CNOT8: variants seen among roughly 807,000 people sequenced by gnomAD.
CNOT8 encodes the protein CCR4-NOT transcription complex subunit 8.
Under a neutral mutation model 34.6 loss-of-function variants are expected in CNOT8, and 18 were observed. That is an observed-to-expected ratio of 0.52 (90% confidence interval 0.36 to 0.77). The LOEUF (loss-of-function observed/expected upper bound fraction) is 0.77, where lower values mean the gene tolerates loss of function less well. CNOT8 is among the 30% of genes least tolerant of loss of function. CNOT8 has a pLI of 0.00. For missense variants in CNOT8, 189 were observed against 347.9 expected (o/e 0.54, Z 3.63); for synonymous variants, 101 against 118.8 (o/e 0.85, Z 0.98).
chr5:154,873,311 C>T (rs543563941), intron 6 of CNOT8, among the ~76,000 whole-genome samples: 11 of 152,318 alleles, frequency 7.2e-5, no homozygotes, highest in South Asian at 2.1e-4. Flanking sequence ...AGCATTCTGA[C>T]GTGAAAGCCA....
intron 3 of CNOT8, among the ~76,000 whole-genome samples, chr5:154,867,154 T>C (rs1220691934): frequency 1.3e-5 from 2 of 150,716 alleles, no homozygotes; most frequent in East Asian, 4.1e-4. Context: ...TTGTATTACA[T>C]GGTATTATAA....
intron 5 of CNOT8, 101 bp downstream of exon 5, chr5:154,871,975 G>T (rs1439470516): frequency 4.2e-6 from 4 of 952,246 alleles, no homozygotes. Context: ...TTGAGTACTA[G>T]ATGCTAGTGT....
chr5:154,872,883 C>G (rs1411107853), intron 6 of CNOT8, among the ~76,000 whole-genome samples: 1 of 152,190 alleles, frequency 6.6e-6, no homozygotes, highest in Non-Finnish European at 1.5e-5. Context: ...TTTCTTCTGC[C>G]TCAGCCTCCT....
chr5:154,872,216 G>T lies in CNOT8; in HGVS notation c.619-325G>T, dbSNP rs373875005. 2.5e-4 allele frequency among the ~76,000 whole-genome samples: 38 copies of T among 152,292 alleles called. No homozygotes were observed. The East Asian group carries it at 5.6e-3, about 22-fold the overall frequency. ...TAACTCTAGAAAGTTTTAGAACTTG[G>T]TACCGTAATAAATTGTTGACATAGA... On this transcript the variant is annotated intron_variant, in intron 5 of 6. Transcript: ENST00000285896.
At chr5:154,867,122 C>T (rs898822263) in intron 3 of CNOT8, among the ~76,000 whole-genome samples, 5 of 152,128 alleles carry the variant, frequency 3.3e-5, no homozygotes, top group Non-Finnish European at 4.4e-5. Context: ...GAACAGGAGT[C>T]GTTTAGCTTA....
At chr5:154,874,331 C>T (rs1457667596) in intron 6 of CNOT8, among the ~76,000 whole-genome samples, 1 of 151,938 alleles carries the variant, frequency 6.6e-6, no homozygotes, top group Non-Finnish European at 1.5e-5. Context: ...AATCCCAGCA[C>T]TTTGGGAGGC....
intron 4 of CNOT8, 71 bp downstream of exon 4, chr5:154,870,893 C>T: frequency 1.4e-6 from 2 of 1,382,190 alleles, no homozygotes; most frequent in Middle Eastern, 3.7e-4. Context: ...AATTCTTAGT[C>T]ATTTTTGCAG....
Position 154,876,312 on chromosome 5 carries a change from G to T in CNOT8, c.*873G>T, listed in dbSNP as rs1762920310. Reference sequence around the variant, plus strand: ...TAATGTGATTTCAGATGGTCATCTGGATTCTCCCACTTCTCTACTCCATTA... The same window carrying T: ...TAATGTGATTTCAGATGGTCATCTGTATTCTCCCACTTCTCTACTCCATTA... On this transcript the variant is annotated 3_prime_UTR_variant, in exon 7 of 7. Coordinates refer to ENST00000285896, the MANE Select transcript of CNOT8 (RefSeq NM_001301073.2). The T allele has an allele frequency of 6.6e-6, 1 of 152,172 alleles. No individual in the cohort carries two copies. The highest frequency in any genetic ancestry group is 1.5e-5 in the Non-Finnish European group (1 of 68,032). The allele number at this position is 152,172 out of a possible 1,614,324, so 9.4% of individuals were successfully genotyped here. A position where few individuals can be genotyped will look rare whatever the true frequency, so the allele number is the denominator to read the frequency against.
Position 154,858,848 on chromosome 5 carries a change from G to T in CNOT8, c.-73+80G>T, listed in dbSNP as rs369278788. On this transcript the variant is annotated intron_variant, in intron 1 of 6. Transcript: ENST00000285896. The stretch of plus-strand genomic sequence containing the variant: ...GACCATTGGGGGTCTGTAGGGGGAA[G>T]GGGAGTGGGGGCGTGTGTAAGGGGC... The T allele has an allele frequency of 1.6e-4, 25 of 152,202 alleles. 1 individual carries two copies. Among genetic ancestry groups the T allele is most frequent in the African/African-American group, 6.0e-4 (25 of 41,510 alleles). The allele number at this position is 152,202 out of a possible 1,614,324, so 9.4% of individuals were successfully genotyped here. A position where few individuals can be genotyped will look rare whatever the true frequency, so the allele number is the denominator to read the frequency against.
chr5:154,866,983 T>C (rs1189647833), intron 3 of CNOT8, among the ~76,000 whole-genome samples: 1 of 151,806 alleles, frequency 6.6e-6, no homozygotes, highest in African/African-American at 2.4e-5. Context: ...AAAAAAAAAA[T>C]GTTTATTTAA....
At chr5:154,875,258 C>T (rs17116534) in intron 6 of CNOT8, 32 bp from the exon 7 acceptor site, 170,074 of 1,609,504 alleles carry the variant, frequency 0.11, 11,522 homozygotes, top group African/African-American at 0.31. Flanking sequence ...TCTAGCATAA[C>T]TCTCACCATG....
rs1200709233 is a variant in CNOT8 at position 154,863,275 on chromosome 5, C to T, written c.-4C>T. Reference sequence around the variant, plus strand: ...CTGAAGACGACTTCTCAGGTTTCTTCAGGATGCCTGCAGCACTTGTGGAGA... The same window carrying T: ...CTGAAGACGACTTCTCAGGTTTCTTTAGGATGCCTGCAGCACTTGTGGAGA... On this transcript the variant is annotated 5_prime_UTR_variant, in exon 2 of 7. Transcript: ENST00000285896. 1 of 1,611,498 alleles carries T rather than the reference C, an allele frequency of 6.2e-7. No individual in the cohort carries two copies. The highest frequency in any genetic ancestry group is 1.1e-5 in the South Asian group (1 of 91,028).
intron 3 of CNOT8, among the ~76,000 whole-genome samples, chr5:154,866,982 ATGTT>A (rs1761958014): frequency 6.6e-6 from 1 of 151,878 alleles, no homozygotes; most frequent in Admixed American, 6.6e-5. Flanking sequence ...CAAAAAAAAA[ATGTT>A]TATTTAAGTG....
chr5:154,875,148 C>G (rs1420477524), intron 6 of CNOT8, 142 bp from the exon 7 acceptor site: 2 of 846,820 alleles, frequency 2.4e-6, no homozygotes, highest in Non-Finnish European at 3.7e-6. Flanking sequence ...ACCTCCTGAC[C>G]CCAAGTGATC....
Position 154,872,591 on chromosome 5 carries a change from G to A in CNOT8, c.669G>A (p.Arg223=), listed in dbSNP as rs374069510. ...AGTTGGATTTGCAGAGGATTGGAAG[G>A]CAGCACCAGGCAGGCTCAGACTCAC... The part of the protein sequence containing the change: ...ADQLDLQRIG[R]QHQAGSDSLL... The change falls in exon 6 of 7, where the codon AGG becomes AGA. Residue 223 remains arginine, a synonymous_variant. Transcript: ENST00000285896. The A allele has an allele frequency of 8.1e-6, 13 of 1,613,772 alleles. No homozygotes were observed. Among genetic ancestry groups the A allele is most frequent in the Non-Finnish European group, 1.0e-5 (12 of 1,179,852 alleles).
intron 3 of CNOT8, chr5:154,870,454 G>A (rs1396410268): frequency 2.4e-6 from 1 of 414,544 alleles, no homozygotes; most frequent in Non-Finnish European, 4.3e-6. Context: ...TTTAGTTTAT[G>A]GAGGAAAATC....
At chr5:154,875,249 C>T in intron 6 of CNOT8, 41 bp from the exon 7 acceptor site, 2 of 1,606,748 alleles carry the variant, frequency 1.2e-6, no homozygotes, top group Non-Finnish European at 1.7e-6. Context: ...GTCATGACTT[C>T]TAGCATAACT....
chr5:154,871,559 C>CAAAA (rs372899952), intron 4 of CNOT8, among the ~76,000 whole-genome samples, 171 bp from the exon 5 acceptor site: 15 of 55,378 alleles, frequency 2.7e-4, no homozygotes, highest in Non-Finnish European at 3.3e-4. Flanking sequence ...GACTCTGTCT[C>CAAAA]AAAAAAAAAA....
intron 6 of CNOT8, among the ~76,000 whole-genome samples, chr5:154,874,364 G>A (rs1299628448): frequency 6.6e-6 from 1 of 151,848 alleles, no homozygotes; most frequent in Non-Finnish European, 1.5e-5. Context: ...ATCACTTGAG[G>A]TCAGGAGTTC....
Sources: allele counts gnomAD v4.1 joint callset (sites outside exome capture counted in the v4.1 genomes callset), GRCh38; gene constraint gnomAD v4.1.1; transcripts MANE v1.5; gene names NCBI Gene and HGNC (gene_info 2026-07-23, HGNC 2026-07-21).